The following FSIP1 variants were observed in gnomAD, a reference collection of about 807,000 sequenced individuals.
The protein encoded by FSIP1 is fibrous sheath-interacting protein 1.
FSIP1 carries 65 observed loss-of-function variants against 60.9 expected under a neutral mutation model. The observed-to-expected ratio is 1.07, with a 90% CI of 0.87 to 1.31. The LOEUF (loss-of-function observed/expected upper bound fraction) is 1.31, where lower values mean the gene tolerates loss of function less well. Among genes scored for constraint, FSIP1 ranks in the 40% most tolerant of loss-of-function variants. FSIP1 has a pLI of 0.00. For synonymous variants in FSIP1, 209 were observed against 221.2 expected (o/e 0.94, Z 0.49); for missense variants, 675 against 665.5 (o/e 1.01, Z -0.16).
intron 9 of FSIP1, among the ~76,000 whole-genome samples, chr15:39,724,320 T>G (rs1465037675): frequency 1.3e-5 from 2 of 151,946 alleles, no homozygotes; most frequent in Non-Finnish European, 2.9e-5. Flanking sequence ...GGCACGATCT[T>G]GGCTCACTGC....
intron 10 of FSIP1, among the ~76,000 whole-genome samples, chr15:39,706,159 G>T (rs1357464651): frequency 2.0e-5 from 3 of 151,820 alleles, no homozygotes; most frequent in African/African-American, 4.8e-5. Flanking sequence ...TTTTTGTTTG[G>T]TTGGTTGTTT....
At chr15:39,622,933 T>C (rs1891495833) in intron 10 of FSIP1, among the ~76,000 whole-genome samples, 1 of 152,210 alleles carries the variant, frequency 6.6e-6, no homozygotes, top group Admixed American at 6.5e-5. Context: ...ATTGCCCAGA[T>C]TGGCTTTTGT....
chr15:39,663,854 A>G (rs1354843679), intron 10 of FSIP1, among the ~76,000 whole-genome samples: 1 of 152,220 alleles, frequency 6.6e-6, no homozygotes, highest in Non-Finnish European at 1.5e-5. Flanking sequence ...TTTAAACTCT[A>G]CTTCATCGGC....
Position 39,633,252 on chromosome 15 carries a change from G to C in FSIP1, c.1189-15007C>G, listed in dbSNP as rs1891984567. Among the ~76,000 whole-genome samples the C allele has an allele frequency of 1.3e-5, 2 of 152,024 alleles. 1 individual carries two copies. The highest frequency in any genetic ancestry group is 4.1e-4 in the South Asian group (2 of 4,822). The stretch of plus-strand genomic sequence containing the variant: ...CTATAGGCACGCACCATTGCGTCCA[G>C]CTAATTTTTGTATTTTTAGTAGAGA... On this transcript the variant is annotated intron_variant, in intron 10 of 11. Transcript: ENST00000350221.
At chr15:39,668,328 C>G (rs1893582534) in intron 10 of FSIP1, among the ~76,000 whole-genome samples, 2 of 152,038 alleles carry the variant, frequency 1.3e-5, no homozygotes, top group South Asian at 4.1e-4. Flanking sequence ...CTCCCCAGGT[C>G]TGTCTGGAGT....
At chr15:39,612,575 C>G (rs780774266) in intron 11 of FSIP1, among the ~76,000 whole-genome samples, 2 of 151,812 alleles carry the variant, frequency 1.3e-5, no homozygotes, top group South Asian at 2.1e-4. Flanking sequence ...TAATGTTAAA[C>G]CTCAAAAAAC....
intron 9 of FSIP1, among the ~76,000 whole-genome samples, chr15:39,719,336 C>G (rs16969701): frequency 6.6e-6 from 1 of 152,046 alleles, no homozygotes; most frequent in African/African-American, 2.4e-5. Context: ...ACAGGAATGC[C>G]TTCATGGAGA....
chr15:39,691,770 T>C (rs1162875930), intron 10 of FSIP1, among the ~76,000 whole-genome samples: 1 of 152,162 alleles, frequency 6.6e-6, no homozygotes, highest in Non-Finnish European at 1.5e-5. Context: ...AAGAGAATTA[T>C]CTGTGAATTC....
rs776330785 is a variant in FSIP1, at chr15:39,741,870, G to A, written c.590C>T (p.Ser197Phe). The A allele has an allele frequency of 1.9e-6, 3 of 1,604,624 alleles. No individual in the cohort carries two copies. Among genetic ancestry groups the A allele is most frequent in the Non-Finnish European group, 1.7e-6 (2 of 1,171,946 alleles). The change falls in exon 6 of 12, where the codon TCC becomes TTC. Residue 197 changes from serine (S) to phenylalanine (F), a missense_variant. Transcript: ENST00000350221. Reference protein sequence around the residue: ...GPSHEEEDTFSSVFHTQIPPE... With the variant: ...GPSHEEEDTFFSVFHTQIPPE... ...AGGGATTTGAGTATGAAACACTGAG[G>A]AAAAGGTGTCTTCCTCCTCATGAGA... is the stretch of plus-strand genomic sequence containing the variant.
At chr15:39,651,064 G>C (rs1892848098) in intron 10 of FSIP1, among the ~76,000 whole-genome samples, 1 of 152,190 alleles carries the variant, frequency 6.6e-6, no homozygotes, top group Admixed American at 6.5e-5. Context: ...GCCACAGAGA[G>C]AGGAAGTCAT....
intron 10 of FSIP1, among the ~76,000 whole-genome samples, chr15:39,664,689 C>T (rs1046164473): frequency 3.3e-5 from 5 of 152,130 alleles, no homozygotes; most frequent in African/African-American, 1.2e-4. Context: ...CCAATCCCCA[C>T]CATCAAGTTA....
At chr15:39,680,555 A>C (rs1894120666) in intron 10 of FSIP1, among the ~76,000 whole-genome samples, 1 of 152,208 alleles carries the variant, frequency 6.6e-6, no homozygotes, top group African/African-American at 2.4e-5. Flanking sequence ...CCCTAGTTAG[A>C]ATCTGATTGA....
rs1318991442 is a variant in FSIP1, at chr15:39,659,626, TTAAAAAA to T, written c.1189-41388_1189-41382del. ...ATTATATCTCAATAAAGCTGTTATT[TTAAAAAA>T]AAAAAAAAAAAGCAATGGCTTTTCA... On this transcript the variant is annotated intron_variant, in intron 10 of 11. Transcript: ENST00000350221. Among the ~76,000 whole-genome samples the T allele has an allele frequency of 2.2e-5, 3 of 133,786 alleles. No homozygotes were observed. In the South Asian group the frequency reaches 6.8e-4, roughly 31 times the overall value. The allele number at this position is 133,786 out of a possible 152,430, so 87.8% of individuals were successfully genotyped here. A position where few individuals can be genotyped will look rare whatever the true frequency, so the allele number is the denominator to read the frequency against.
At chr15:39,781,107 T>A (rs1174389627) in intron 1 of FSIP1, among the ~76,000 whole-genome samples, 1 of 151,976 alleles carries the variant, frequency 6.6e-6, no homozygotes, top group Non-Finnish European at 1.5e-5. Context: ...AGGACTCATA[T>A]CCAGAATATA....
chr15:39,731,014 T>G (rs188814199), intron 8 of FSIP1, among the ~76,000 whole-genome samples: 1 of 152,354 alleles, frequency 6.6e-6, no homozygotes, highest in African/African-American at 2.4e-5. Context: ...AAAGTCCATC[T>G]TTGTTACTTG....
chr15:39,647,407 A>T (rs1034198591), intron 10 of FSIP1, among the ~76,000 whole-genome samples: 2 of 151,866 alleles, frequency 1.3e-5, no homozygotes, highest in South Asian at 4.1e-4. Context: ...TTGGTGGTCA[A>T]AAAAAAGAGA....
intron 11 of FSIP1, among the ~76,000 whole-genome samples, chr15:39,617,301 G>A (rs1391883645): frequency 1.3e-5 from 2 of 152,188 alleles, no homozygotes; most frequent in Non-Finnish European, 2.9e-5. Context: ...GAGTGGCTCA[G>A]GAGAGGAGGT....
chr15:39,613,410 A>C (rs948380071), intron 11 of FSIP1, among the ~76,000 whole-genome samples: 45 of 141,426 alleles, frequency 3.2e-4, no homozygotes, highest in Non-Finnish European at 5.8e-4. Context: ...AATCATAAAG[A>C]AACAAAAATC....
chr15:39,649,018 A>G (rs1420502546), intron 10 of FSIP1, among the ~76,000 whole-genome samples: 2 of 152,092 alleles, frequency 1.3e-5, no homozygotes, highest in Non-Finnish European at 2.9e-5. Context: ...ATCTTTATCC[A>G]GCCTAAGAGT....
Sources: allele counts gnomAD v4.1 joint callset (sites outside exome capture counted in the v4.1 genomes callset), GRCh38; gene constraint gnomAD v4.1.1; transcripts MANE v1.5; gene names NCBI Gene and HGNC (gene_info 2026-07-23, HGNC 2026-07-21).